NCALD: variants seen among roughly 807,000 people sequenced by gnomAD.
The protein encoded by NCALD is neurocalcin delta.
In NCALD, 10 loss-of-function variants were observed where a neutral mutation model predicts 18.6. The observed-to-expected ratio is 0.54, with a 90% CI of 0.33 to 0.91. NCALD has a LOEUF of 0.91. Ranked by LOEUF, NCALD falls within the 40% of genes least tolerant of loss-of-function variation. The probability of loss-of-function intolerance (pLI) is 0.03; values close to 1 mark genes in which losing one functional copy is unlikely to be tolerated. For missense variants in NCALD, 184 were observed against 247.6 expected (o/e 0.74, Z 1.72); for synonymous variants, 88 against 87.4 (o/e 1.01, Z -0.04).
intron 1 of NCALD, among the ~76,000 whole-genome samples, chr8:101,770,608 C>T (rs1811545052): frequency 6.6e-6 from 1 of 152,192 alleles, no homozygotes; most frequent in South Asian, 2.1e-4. Context: ...GAGCGAGTGG[C>T]TTGTCTGTGT....
chr8:102,028,476 G>T (rs948832584), intron 1 of NCALD, among the ~76,000 whole-genome samples: 2 of 152,190 alleles, frequency 1.3e-5, no homozygotes, highest in African/African-American at 4.8e-5. Context: ...GCCACTGAGG[G>T]GGAAACAATG....
chr8:101,742,732 T>C (rs1189811657), intron 1 of NCALD, among the ~76,000 whole-genome samples: 2 of 152,142 alleles, frequency 1.3e-5, no homozygotes, highest in Non-Finnish European at 2.9e-5. Context: ...CATAGGTAAA[T>C]GTGTGCCATG....
At chr8:102,087,902 CCTCTCT>C (rs3085983) in intron 1 of NCALD, among the ~76,000 whole-genome samples, 8 of 149,366 alleles carry the variant, frequency 5.4e-5, no homozygotes, top group Non-Finnish European at 7.4e-5. Flanking sequence ...GCAATGCTTT[CCTCTCT>C]CTCTCTCTCT....
intron 4 of NCALD, among the ~76,000 whole-genome samples, chr8:101,797,913 G>T (rs1374044948): frequency 6.6e-6 from 1 of 151,722 alleles, no homozygotes; most frequent in African/African-American, 2.4e-5. Context: ...AGACCCATGG[G>T]ACTATAAAAA....
Position 101,822,391 on chromosome 8 carries a change from G to A in NCALD, c.-20+64750C>T, listed in dbSNP as rs74934278. Among the ~76,000 whole-genome samples the A allele has an allele frequency of 8.4e-3, 1,275 of 152,242 alleles. 13 individuals carry two copies. Among genetic ancestry groups the A allele is most frequent in the Non-Finnish European group, 0.013 (888 of 68,020 alleles). On this transcript the variant is annotated intron_variant, in intron 4 of 6. Transcript: ENST00000311028. ...CCACCTCTTCATGAAGGAGAGAAAGGAGCTGGTCGATTGCCTGTTTGGTTT... is the reference window on the plus strand; with the variant it reads ...CCACCTCTTCATGAAGGAGAGAAAGAAGCTGGTCGATTGCCTGTTTGGTTT...
intron 2 of NCALD, among the ~76,000 whole-genome samples, chr8:101,965,414 C>A (rs1819985411): frequency 6.6e-6 from 1 of 152,146 alleles, no homozygotes; most frequent in Non-Finnish European, 1.5e-5. Context: ...CACATATATA[C>A]CATGGAATAC....
chr8:101,913,469 A>G (rs893882836), intron 3 of NCALD, among the ~76,000 whole-genome samples: 5 of 152,224 alleles, frequency 3.3e-5, no homozygotes, highest in African/African-American at 9.6e-5. Context: ...ATTTTTCAAA[A>G]TATCAAAATT....
intron 1 of NCALD, among the ~76,000 whole-genome samples, chr8:102,029,949 C>T (rs958670968): frequency 3.3e-5 from 5 of 152,092 alleles, no homozygotes; most frequent in South Asian, 2.1e-4. Context: ...TGTTAAAAGG[C>T]GGGTTTTCAA....
chr8:101,991,745 T>C (rs141454822), intron 2 of NCALD, among the ~76,000 whole-genome samples: 112 of 152,190 alleles, frequency 7.4e-4, no homozygotes, highest in Middle Eastern at 3.4e-3. Flanking sequence ...TAGTAGAAAA[T>C]AGAAGAATGG....
At chr8:101,975,379 C>T in intron 2 of NCALD, 2 of 152,304 alleles carry the variant, frequency 1.3e-5, no homozygotes, top group East Asian at 3.9e-4. Context: ...AAGCCCCACC[C>T]CCGGAGATGC....
intron 1 of NCALD, among the ~76,000 whole-genome samples, chr8:102,120,204 G>A (rs188225034): frequency 2.0e-5 from 3 of 152,284 alleles, no homozygotes; most frequent in Admixed American, 2.0e-4. Context: ...GTGAACATCT[G>A]TTGCTTTGCA....
At chr8:101,994,744 G>T (rs1821174371) in intron 2 of NCALD, among the ~76,000 whole-genome samples, 1 of 152,202 alleles carries the variant, frequency 6.6e-6, no homozygotes, top group Non-Finnish European at 1.5e-5. Context: ...TACTCTCAAT[G>T]ATGAAATAGA....
At chr8:102,035,533 T>C (rs572180182) in intron 1 of NCALD, among the ~76,000 whole-genome samples, 2 of 152,310 alleles carry the variant, frequency 1.3e-5, no homozygotes, top group South Asian at 4.1e-4. Context: ...GAGGTCTCCA[T>C]AGTCCAGAGA....
intron 3 of NCALD, chr8:101,691,431 C>T: frequency 1.0e-6 from 1 of 985,310 alleles, no homozygotes. Context: ...TGCCTGTGAT[C>T]AACACACAGT....
intron 4 of NCALD, among the ~76,000 whole-genome samples, chr8:101,825,869 T>C (rs1188872611): frequency 6.6e-6 from 1 of 152,206 alleles, no homozygotes; most frequent in Non-Finnish European, 1.5e-5. Flanking sequence ...ATGGCTGTGT[T>C]TCAATAAAAC....
intron 1 of NCALD, among the ~76,000 whole-genome samples, chr8:102,023,886 C>T (rs1278150944): frequency 6.6e-6 from 1 of 152,134 alleles, no homozygotes; most frequent in Admixed American, 6.6e-5. Flanking sequence ...TGGGCTATTC[C>T]AGGCATCTCA....
At chr8:101,908,283 G>A (rs184778186) in intron 3 of NCALD, among the ~76,000 whole-genome samples, 4 of 152,256 alleles carry the variant, frequency 2.6e-5, no homozygotes, top group African/African-American at 7.2e-5. Flanking sequence ...TTTGGCATCC[G>A]GCTTGATTTT....
intron 3 of NCALD, among the ~76,000 whole-genome samples, chr8:101,900,060 C>A (rs1300793621): frequency 6.6e-6 from 1 of 151,790 alleles, no homozygotes; most frequent in Non-Finnish European, 1.5e-5. Context: ...ACAAGACTAT[C>A]AAAATTATCT....
At chr8:102,109,804 GTAAAA>G (rs1313251816) in intron 1 of NCALD, among the ~76,000 whole-genome samples, 1 of 151,874 alleles carries the variant, frequency 6.6e-6, no homozygotes, top group African/African-American at 2.4e-5. Context: ...ATACTATAAA[GTAAAA>G]TAAAATATGC....
Sources: gnomAD v4.1 joint callset for allele counts (sites outside exome capture counted in the v4.1 genomes callset) on GRCh38, gnomAD v4.1.1 for gene constraint, MANE v1.5 for transcripts, NCBI Gene and HGNC (gene_info 2026-07-23, HGNC 2026-07-21) for gene names.